The following KRT222 variants were observed in gnomAD, a reference collection of about 807,000 sequenced individuals.
The protein encoded by KRT222 is keratin-like protein KRT222.
A neutral mutation model predicts 35.0 loss-of-function variants in KRT222; 23 were observed. That is an observed-to-expected ratio of 0.66 (90% CI 0.47 to 0.93). The LOEUF (loss-of-function observed/expected upper bound fraction) is 0.93, where lower values mean the gene tolerates loss of function less well. Among genes scored for constraint, KRT222 ranks in the 40% least tolerant of loss-of-function variants. The pLI is 0.00. For missense variants in KRT222, 339 were observed against 346.3 expected, an observed-to-expected ratio of 0.98 and a Z score of 0.17; for synonymous variants, 108 against 118.8, an observed-to-expected ratio of 0.91 and a Z score of 0.59.
chr17:40,662,265 A>T (rs887558419), intron 1 of KRT222, among the ~76,000 whole-genome samples: 2 of 152,214 alleles, frequency 1.3e-5, no homozygotes, highest in Non-Finnish European at 2.9e-5. Context: ...GATTTCAAGA[A>T]ATCCCTTCCA....
At chr17:40,659,643 T>A (rs1179323246) in intron 3 of KRT222, among the ~76,000 whole-genome samples, 1 of 152,084 alleles carries the variant, frequency 6.6e-6, no homozygotes, top group African/African-American at 2.4e-5. Context: ...AAGCTGGTAT[T>A]GAGCTCCTGA....
At chr17:40,664,312 T>G (rs1255438530) in intron 1 of KRT222, among the ~76,000 whole-genome samples, 1 of 152,208 alleles carries the variant, frequency 6.6e-6, no homozygotes, top group African/African-American at 2.4e-5. Flanking sequence ...TAGGATTTAG[T>G]CCTTATCTAA....
chr17:40,662,244 C>T, intron 1 of KRT222, 200 bp from the exon 2 acceptor site: 1 of 531,666 alleles, frequency 1.9e-6, no homozygotes, highest in Non-Finnish European at 3.2e-6. Flanking sequence ...CCGTTTTCTC[C>T]TATGTTAAAT....
Position 40,657,655 on chromosome 17 carries a change from A to G in KRT222, c.523+19T>C, listed in dbSNP as rs571169936. 10 of 1,600,384 alleles carry G rather than the reference A, an allele frequency of 6.2e-6. No homozygotes were observed. The South Asian group carries it at 7.8e-5, about 12-fold the overall frequency. ...AGTACATCACTTTTCAAATGAGTTTATTTATGTCAGAAACTCACCTGATGG... is the reference window on the plus strand; with the variant it reads ...AGTACATCACTTTTCAAATGAGTTTGTTTATGTCAGAAACTCACCTGATGG... On this transcript the variant is annotated intron_variant, in intron 4 of 5. Transcript: ENST00000394052.
intron 1 of KRT222, among the ~76,000 whole-genome samples, chr17:40,664,178 T>TA (rs2037405258): frequency 6.6e-6 from 1 of 152,168 alleles, no homozygotes. Flanking sequence ...ATAGGTAAAC[T>TA]AAAAAATCCC....
chr17:40,659,225 G>C lies in KRT222; in HGVS notation c.446+762C>G, dbSNP rs1242429117. 2.0e-5 allele frequency among the ~76,000 whole-genome samples: 3 copies of C among 150,752 alleles called. No homozygotes were observed. In the East Asian group the frequency reaches 5.8e-4, roughly 29 times the overall value. On this transcript the variant is annotated intron_variant, in intron 3 of 5. Transcript: ENST00000394052. ...GGCTGGAGTGCAGTGGCGCAGTCTC[G>C]GCTCACTGCAACCTGCCTCTCCTGG...
At chr17:40,659,927 A>C in intron 3 of KRT222, 60 bp downstream of exon 3, 1 of 1,393,144 alleles carries the variant, frequency 7.2e-7, no homozygotes, top group Non-Finnish European at 1.0e-6. Context: ...CTACATCAAC[A>C]ATGGCATAAG....
chr17:40,658,072 A>T (rs574722165), intron 3 of KRT222, among the ~76,000 whole-genome samples: 1 of 152,156 alleles, frequency 6.6e-6, no homozygotes, highest in South Asian at 2.1e-4. Flanking sequence ...TAGAGGGAGG[A>T]GCATGAGATT....
Position 40,662,022 on chromosome 17 carries a change from T to G in KRT222, c.119A>C (p.Lys40Thr), listed in dbSNP as rs781046929. 6.2e-7 allele frequency: 1 copy of G among 1,614,094 alleles called. No individual in the cohort carries two copies. Among genetic ancestry groups the G allele is most frequent in the Non-Finnish European group, 8.5e-7 (1 of 1,180,022 alleles). Residue 40 changes from lysine to threonine, a missense_variant, in exon 2 of 6, where the codon AAA (lysine) becomes ACA (threonine). By Grantham distance (78) the Lys-to-Thr change is moderately conservative. Transcript: ENST00000394052. ...CAAAGCCTCTTCATCTTTGTCCATT[T>G]TTTTGCTTATGTCTTCTTCTAGCTA... ...RIQLEEDISK[K>T]MDKDEEALKA... is the part of the protein sequence containing the mutation.
intron 2 of KRT222, 93 bp downstream of exon 2, chr17:40,661,823 C>T (rs2037385484): frequency 6.9e-7 from 1 of 1,450,760 alleles, no homozygotes; most frequent in Non-Finnish European, 9.3e-7. Flanking sequence ...TCCAGTTTCT[C>T]ATGGTAAATA....
At chr17:40,661,891 C>T (rs756582904) in intron 2 of KRT222, 25 bp downstream of exon 2, 10 of 1,608,938 alleles carry the variant, frequency 6.2e-6, no homozygotes, top group African/African-American at 2.7e-5. Context: ...CTCGATGGGT[C>T]GGTTACTTTT....
In KRT222 at chr17:40,657,470, A is replaced by T; in HGVS notation, c.541T>A (p.Ser181Thr). ...VLPSAIINEI[S>T]FTTKVPQKYE... ...TTTTGTGGGACTTTTGTAGTAAAAG[A>T]TATTTCATTTATAATGGCTGTGAAA... Residue 181 changes from serine to threonine, a missense_variant, in exon 5 of 6, where the codon TCT becomes ACT. Transcript: ENST00000394052. 6.2e-7 allele frequency: 1 copy of T among 1,600,728 alleles called. No homozygotes were observed. Among genetic ancestry groups the T allele is most frequent in the Non-Finnish European group, 8.5e-7 (1 of 1,172,018 alleles).
chr17:40,665,168 C>T lies in KRT222; in HGVS notation c.-69G>A, dbSNP rs1053019569. 46 of 1,442,308 alleles carry T rather than the reference C, an allele frequency of 3.2e-5. No homozygotes were observed. Among genetic ancestry groups the T allele is most frequent in the African/African-American group, 7.0e-5 (5 of 71,654 alleles). 89.3% of individuals were successfully genotyped at this position (1,442,308 alleles called of 1,614,324 possible). A position where few individuals can be genotyped will look rare whatever the true frequency, so the allele number is the denominator to read the frequency against. ...GGATGAGTCGCTGCGGCAGTCTGCTCGGTCTGCGCGGAAGGCAGGGAGCCT... is the reference window on the plus strand; with the variant it reads ...GGATGAGTCGCTGCGGCAGTCTGCTTGGTCTGCGCGGAAGGCAGGGAGCCT... On this transcript the variant is annotated 5_prime_UTR_variant, in exon 1 of 6. Transcript: ENST00000394052.
Position 40,656,388 on chromosome 17 carries a change from A to G in KRT222, c.*14T>C. The G allele has an allele frequency of 6.2e-7, 1 of 1,600,178 alleles. No individual in the cohort carries two copies. Among genetic ancestry groups the G allele is most frequent in the Non-Finnish European group, 8.6e-7 (1 of 1,167,416 alleles). On this transcript the variant is annotated 3_prime_UTR_variant, in exon 6 of 6. Coordinates refer to ENST00000394052, the MANE Select transcript of KRT222 (RefSeq NM_152349.3). Reference sequence around the variant, plus strand: ...TCCTAACATTTTCCAATCAAGTCAAATACTATCTTTGGATTAATTAGCTGT... The same window carrying G: ...TCCTAACATTTTCCAATCAAGTCAAGTACTATCTTTGGATTAATTAGCTGT...
chr17:40,661,857 T>G, intron 2 of KRT222, 59 bp downstream of exon 2: 1 of 1,565,742 alleles, frequency 6.4e-7, no homozygotes, highest in Non-Finnish European at 8.7e-7. Context: ...CTTTTCCTTC[T>G]CTTAATCAAA....
At chr17:40,662,186 T>C (rs1329717588) in intron 1 of KRT222, 142 bp from the exon 2 acceptor site, 13 of 936,768 alleles carry the variant, frequency 1.4e-5, no homozygotes, top group Admixed American at 8.7e-5. Flanking sequence ...ATGTGTGTCC[T>C]AGTGCCTAGT....
chr17:40,656,381 A>G lies in KRT222; in HGVS notation c.*21T>C. On this transcript the variant is annotated 3_prime_UTR_variant, in exon 6 of 6. Transcript: ENST00000394052. ...TGGTCCATCCTAACATTTTCCAATC[A>G]AGTCAAATACTATCTTTGGATTAAT... 6.3e-7 allele frequency: 1 copy of G among 1,590,018 alleles called. No homozygotes were observed. Among genetic ancestry groups the G allele is most frequent in the Non-Finnish European group, 8.6e-7 (1 of 1,158,464 alleles).
intron 2 of KRT222, 45 bp downstream of exon 2, chr17:40,661,871 C>CA (rs764758439): frequency 6.3e-7 from 1 of 1,597,134 alleles, no homozygotes; most frequent in Admixed American, 1.8e-5. Context: ...AATCAAATCA[C>CA]ATCTGAGGAC....
At chr17:40,661,458 G>T (rs1233581102) in intron 2 of KRT222, among the ~76,000 whole-genome samples, 2 of 150,772 alleles carry the variant, frequency 1.3e-5, no homozygotes, top group South Asian at 4.2e-4. Flanking sequence ...TAGAGATGGG[G>T]TTTCATCATG....
Sources: allele counts gnomAD v4.1 joint callset (sites outside exome capture counted in the v4.1 genomes callset), GRCh38; gene constraint gnomAD v4.1.1; transcripts MANE v1.5; gene names NCBI Gene and HGNC (gene_info 2026-07-23, HGNC 2026-07-21).